Variants in GXYLT2 observed in about 807,000 individuals in gnomAD.
GXYLT2 encodes glycosyltransferase 8 domain containing 4.
In GXYLT2, 53 loss-of-function variants were observed where a neutral mutation model predicts 45.8. That is an observed-to-expected ratio of 1.16 (90% CI 0.93 to 1.46). GXYLT2 has a LOEUF of 1.46. Ranked by LOEUF, GXYLT2 falls within the 40% of genes most tolerant of loss-of-function variation. The probability of loss-of-function intolerance (pLI) is 0.00; values close to 1 mark genes in which losing one functional copy is unlikely to be tolerated. For synonymous variants in GXYLT2, 219 were observed against 214.2 expected (o/e 1.02, Z -0.19); for missense variants, 551 against 544.4 (o/e 1.01, Z -0.12).
chr3:72,890,910 G>C (rs1709171013), intron 1 of GXYLT2, among the ~76,000 whole-genome samples: 1 of 152,158 alleles, frequency 6.6e-6, no homozygotes, highest in South Asian at 2.1e-4. Context: ...AAAAACAAAA[G>C]CCACAGGAAG....
intron 3 of GXYLT2, among the ~76,000 whole-genome samples, chr3:72,942,720 C>T (rs1216079565): frequency 6.6e-6 from 1 of 150,538 alleles, no homozygotes; most frequent in Non-Finnish European, 1.5e-5. Flanking sequence ...TTCTAAATAA[C>T]CGGCCAGTGT....
chr3:72,944,570 G>A (rs115200445), intron 3 of GXYLT2, among the ~76,000 whole-genome samples: 2,056 of 152,094 alleles, frequency 0.014, 57 homozygotes, highest in African/African-American at 0.047. Context: ...TATGTATGTA[G>A]GTGATATCTT....
intron 3 of GXYLT2, among the ~76,000 whole-genome samples, chr3:72,947,723 C>A (rs989914959): frequency 7.2e-5 from 11 of 152,086 alleles, no homozygotes; most frequent in Non-Finnish European, 1.3e-4. Flanking sequence ...ATCGCTTGAA[C>A]CCAGGAGGCG....
chr3:72,929,737 A>T, intron 3 of GXYLT2: 1 of 569,372 alleles, frequency 1.8e-6, no homozygotes, highest in Non-Finnish European at 3.1e-6. Flanking sequence ...TTAATGCAAA[A>T]TAAAGCAGAA....
chr3:72,900,218 C>T (rs1275317133), intron 1 of GXYLT2, among the ~76,000 whole-genome samples: 1 of 152,160 alleles, frequency 6.6e-6, no homozygotes, highest in Non-Finnish European at 1.5e-5. Flanking sequence ...TTAATTAAGT[C>T]GCACGTTTGA....
chr3:72,894,527 T>C (rs964177575), intron 1 of GXYLT2, among the ~76,000 whole-genome samples: 1 of 152,152 alleles, frequency 6.6e-6, no homozygotes, highest in South Asian at 2.1e-4. Flanking sequence ...GACTATATGG[T>C]AAATGTACCT....
intron 1 of GXYLT2, among the ~76,000 whole-genome samples, chr3:72,888,836 T>G (rs1435380360): frequency 6.6e-6 from 1 of 152,216 alleles, no homozygotes; most frequent in African/African-American, 2.4e-5. Flanking sequence ...GCCATCACGG[T>G]GCAAGAATGT....
chr3:72,956,698 C>T (rs192931110), intron 4 of GXYLT2, among the ~76,000 whole-genome samples: 46 of 152,002 alleles, frequency 3.0e-4, no homozygotes, highest in Admixed American at 2.9e-3. Flanking sequence ...ATATCAGCCT[C>T]GCCAACAGGG....
At chr3:72,974,935 C>A (rs752565617) in intron 6 of GXYLT2, 42 bp from the exon 7 acceptor site, 5 of 1,391,132 alleles carry the variant, frequency 3.6e-6, no homozygotes, top group Non-Finnish European at 5.0e-6. Flanking sequence ...TTTAAAATGG[C>A]ATTTCCGTTA....
At chr3:72,929,260 G>A (rs1304167224) in intron 3 of GXYLT2, 5 of 1,478,438 alleles carry the variant, frequency 3.4e-6, no homozygotes, top group Non-Finnish European at 4.7e-6. Context: ...TGATGACGTT[G>A]CAGAACCAAC....
intron 3 of GXYLT2, among the ~76,000 whole-genome samples, chr3:72,936,300 GAA>G (rs796602781): frequency 2.8e-5 from 2 of 72,604 alleles, no homozygotes; most frequent in Non-Finnish European, 3.3e-5. Context: ...TCAAAAAAAA[GAA>G]AAAAAAAAAA....
chr3:72,930,333 C>T (rs1436335737), intron 3 of GXYLT2, among the ~76,000 whole-genome samples: 2 of 149,512 alleles, frequency 1.3e-5, no homozygotes, highest in Non-Finnish European at 3.0e-5. Flanking sequence ...GAAACCTCAT[C>T]TCTCCTAAAA....
chr3:72,888,608 T>C, intron 1 of GXYLT2, 100 bp downstream of exon 1: 1 of 866,116 alleles, frequency 1.2e-6, no homozygotes, highest in Non-Finnish European at 1.4e-6. Flanking sequence ...GAGACAGATT[T>C]CCAAGTTTCA....
chr3:72,955,499 A>T (rs1424167532), intron 4 of GXYLT2, 150 bp downstream of exon 4: 4 of 684,434 alleles, frequency 5.8e-6, no homozygotes, highest in Non-Finnish European at 9.6e-6. Flanking sequence ...TTAGAAAATT[A>T]TAGAATATTT....
rs779049034 is a variant in GXYLT2 at position 72,975,135 on chromosome 3, T to C, written c.1308T>C (p.His436=). 4 of 1,613,408 alleles carry C rather than the reference T, an allele frequency of 2.5e-6. No individual in the cohort carries two copies. In the South Asian group the frequency reaches 3.3e-5, roughly 13 times the overall value. Residue 436 remains histidine (H), a synonymous_variant, in exon 7 of 7, where the codon CAT becomes CAC. Coordinates refer to ENST00000389617, the MANE Select transcript of GXYLT2 (RefSeq NM_001080393.2). ...KRAYEKHVII[H]VGPNQMH is the part of the protein sequence containing the mutation. ...CTTATGAGAAACACGTCATCATCCA[T>C]GTTGGCCCCAACCAGATGCACTGAA...
chr3:72,905,064 CAAA>C (rs1177216917), intron 1 of GXYLT2, among the ~76,000 whole-genome samples: 1,143 of 36,160 alleles, frequency 0.032, 6 homozygotes, highest in African/African-American at 0.075. Context: ...GATTCTGTCT[CAAA>C]AAAAAAAAAA....
intron 3 of GXYLT2, among the ~76,000 whole-genome samples, chr3:72,940,079 G>A (rs530337437): frequency 4.6e-5 from 7 of 152,238 alleles, no homozygotes; most frequent in African/African-American, 1.7e-4. Context: ...GATTGCCTAA[G>A]CCCAGGAGGT....
intron 2 of GXYLT2, among the ~76,000 whole-genome samples, chr3:72,912,723 T>G (rs555780955): frequency 6.6e-6 from 1 of 152,286 alleles, no homozygotes; most frequent in Non-Finnish European, 1.5e-5. Flanking sequence ...GAATAAGCTT[T>G]CAGAAGATTC....
intron 1 of GXYLT2, among the ~76,000 whole-genome samples, chr3:72,896,493 G>A (rs1189256898): frequency 6.6e-6 from 1 of 152,088 alleles, no homozygotes; most frequent in Non-Finnish European, 1.5e-5. Context: ...AGGAAACTGA[G>A]ACTCAGCTTC....
Sources: allele counts gnomAD v4.1 joint callset (sites outside exome capture counted in the v4.1 genomes callset), GRCh38; gene constraint gnomAD v4.1.1; transcripts MANE v1.5; gene names NCBI Gene and HGNC (gene_info 2026-07-23, HGNC 2026-07-21).